BCAP29: variants seen among roughly 807,000 people sequenced by gnomAD.
BCAP29 encodes B-cell receptor-associated protein 29.
BCAP29 carries 34 observed loss-of-function variants against 31.8 expected under a neutral mutation model. The ratio of observed to expected loss-of-function variants is 1.07; its 90% CI spans 0.81 to 1.42. BCAP29 has a LOEUF of 1.42. BCAP29 is among the 40% of genes most tolerant of loss of function. BCAP29 has a pLI of 0.00. For synonymous variants in BCAP29, 104 were observed against 91.3 expected (o/e 1.14, Z -0.79); for missense variants, 314 against 269.2 (o/e 1.17, Z -1.16).
chr7:107,623,201 C>CT (rs2129303160), downstream of BCAP29: 1 of 152,300 alleles, frequency 6.6e-6, no homozygotes, highest in East Asian at 1.9e-4. Context: ...AATGCATTGT[C>CT]TCAACATCCT....
At chr7:107,611,262 A>G (rs918353751) in intron 6 of BCAP29, among the ~76,000 whole-genome samples, 2 of 152,118 alleles carry the variant, frequency 1.3e-5, no homozygotes, top group African/African-American at 2.4e-5. Flanking sequence ...CATAACAACA[A>G]CATTCTTAAA....
intron 7 of BCAP29, 33 bp from the exon 8 acceptor site, chr7:107,618,295 T>C: frequency 6.8e-7 from 1 of 1,463,192 alleles, no homozygotes; most frequent in Non-Finnish European, 9.2e-7. Context: ...TTCTCTTTGC[T>C]GTACTACATA....
chr7:107,593,810 A>G, intron 3 of BCAP29, 145 bp from the exon 4 acceptor site: 1 of 694,456 alleles, frequency 1.4e-6, no homozygotes, highest in South Asian at 2.8e-5. Flanking sequence ...GTTCCCGGGT[A>G]CTGTAGACGG....
chr7:107,606,967 G>C (rs1812213424), intron 6 of BCAP29, among the ~76,000 whole-genome samples: 1 of 152,180 alleles, frequency 6.6e-6, no homozygotes, highest in South Asian at 2.1e-4. Context: ...TAATGAAAAA[G>C]AGCAGTCTCC....
At chr7:107,608,066 G>C (rs1433325907) in intron 6 of BCAP29, among the ~76,000 whole-genome samples, 1 of 151,972 alleles carries the variant, frequency 6.6e-6, no homozygotes. Flanking sequence ...TGATCACCTG[G>C]CTAAAATAGT....
intron 6 of BCAP29, among the ~76,000 whole-genome samples, 195 bp from the exon 7 acceptor site, chr7:107,613,137 C>T (rs796847812): frequency 8.5e-5 from 13 of 152,198 alleles, no homozygotes; most frequent in African/African-American, 3.1e-4. Flanking sequence ...GGGCACGATG[C>T]CTGCACCTTA....
chr7:107,581,829 G>T (rs997620034), intron 2 of BCAP29, among the ~76,000 whole-genome samples: 1 of 152,086 alleles, frequency 6.6e-6, no homozygotes, highest in African/African-American at 2.4e-5. Context: ...GCTAAGCTCA[G>T]TAAGTTGTTT....
Position 107,618,934 on chromosome 7 carries a change from AT to A in BCAP29, c.*573del, listed in dbSNP as rs1439569820. ...TGGTTTACTCTAATAAGATAGCTAT[AT>A]TGATAATTATATTTTTGTTACTGTG... On this transcript the variant is annotated 3_prime_UTR_variant, in exon 8 of 8. Transcript: ENST00000005259. 6.1e-6 allele frequency: 1 copy of A among 163,536 alleles called. No individual in the cohort carries two copies. The highest frequency in any genetic ancestry group is 1.7e-4 in the East Asian group (1 of 5,836). The allele number at this position is 163,536 out of a possible 1,614,324, so 10.1% of individuals were successfully genotyped here. A position where few individuals can be genotyped will look rare whatever the true frequency, so the allele number is the denominator to read the frequency against.
At chr7:107,585,608 T>A (rs1807504881) in intron 3 of BCAP29, among the ~76,000 whole-genome samples, 1 of 152,204 alleles carries the variant, frequency 6.6e-6, no homozygotes, top group African/African-American at 2.4e-5. Flanking sequence ...ATCTTCTAAC[T>A]CTAAAATTAT....
chr7:107,610,675 G>A (rs1812956794), intron 6 of BCAP29, among the ~76,000 whole-genome samples: 1 of 152,042 alleles, frequency 6.6e-6, no homozygotes, highest in African/African-American at 2.4e-5. Context: ...TTAGTAAGTG[G>A]CAGAAAAACA....
chr7:107,610,686 G>A (rs1470137800), intron 6 of BCAP29, among the ~76,000 whole-genome samples: 1 of 152,114 alleles, frequency 6.6e-6, no homozygotes, highest in Non-Finnish European at 1.5e-5. Context: ...CAGAAAAACA[G>A]TATTTGTCTG....
At chr7:107,585,711 C>CG (rs1366759915) in intron 3 of BCAP29, among the ~76,000 whole-genome samples, 1 of 151,950 alleles carries the variant, frequency 6.6e-6, no homozygotes. Flanking sequence ...CAAACTTGGC[C>CG]GGGCGCGGCG....
chr7:107,583,787 T>G, intron 2 of BCAP29, 95 bp from the exon 3 acceptor site: 1 of 531,796 alleles, frequency 1.9e-6, no homozygotes, highest in Non-Finnish European at 3.3e-6. Flanking sequence ...TTTCACTTGC[T>G]ACACAATTAC....
chr7:107,622,127 A>G (rs1215420496), downstream of BCAP29: 2 of 394,990 alleles, frequency 5.1e-6, no homozygotes, highest in South Asian at 2.1e-5. Context: ...AGCCATCATC[A>G]TCTCTCACAT....
chr7:107,613,265 C>T (rs1813554449), intron 6 of BCAP29, 67 bp from the exon 7 acceptor site: 1 of 1,205,298 alleles, frequency 8.3e-7, no homozygotes, highest in South Asian at 1.4e-5. Context: ...TCTATTTAAG[C>T]CTTGTAACTT....
At chr7:107,613,821 T>A in intron 7 of BCAP29, 2 of 937,806 alleles carry the variant, frequency 2.1e-6, no homozygotes, top group Non-Finnish European at 3.4e-6. Flanking sequence ...CTTGTCTCAG[T>A]GTTTTAGACA....
intron 6 of BCAP29, among the ~76,000 whole-genome samples, chr7:107,606,811 T>C (rs1213560031): frequency 1.3e-5 from 2 of 152,212 alleles, no homozygotes; most frequent in Non-Finnish European, 2.9e-5. Flanking sequence ...AAATAAAAAA[T>C]GGGACTAGAT....
chr7:107,618,427 G>T lies in BCAP29; in HGVS notation c.*64G>T. On this transcript the variant is annotated 3_prime_UTR_variant, in exon 8 of 8. Transcript: ENST00000005259. ...GATAATTTTGTTATGTTAGCCTCTA[G>T]AAAATTTAAGTTCAGAAAAATGCAC... 6.2e-7 allele frequency: 1 copy of T among 1,612,664 alleles called. No individual in the cohort carries two copies. Among genetic ancestry groups the T allele is most frequent in the South Asian group, 1.1e-5 (1 of 90,984 alleles).
At position 107,593,959 on chromosome 7, in the gene BCAP29, T is replaced by A; in HGVS notation, c.198T>A (p.Ala66=). 1 of 1,605,730 alleles carries A rather than the reference T, an allele frequency of 6.2e-7. No individual in the cohort carries two copies. Among genetic ancestry groups the A allele is most frequent in the Non-Finnish European group, 8.5e-7 (1 of 1,177,808 alleles). Residue 66 remains alanine (A), a synonymous_variant, in exon 4 of 8, where the codon GCT becomes GCA. Transcript: ENST00000005259. ...IILLIVLFLD[A]VREVRKYSSV... ...TTTTCTTTTGTTCTGTAATAGATGC[T>A]GTGAGAGAAGTAAGGAAATATTCCT...
Sources: gnomAD v4.1 joint callset for allele counts (sites outside exome capture counted in the v4.1 genomes callset) on GRCh38, gnomAD v4.1.1 for gene constraint, MANE v1.5 for transcripts, NCBI Gene and HGNC (gene_info 2026-07-23, HGNC 2026-07-21) for gene names.